ANTXR2: variants seen among roughly 807,000 people sequenced by gnomAD.
ANTXR2 encodes the protein ANTXR cell adhesion molecule 2.
Under a neutral mutation model 73.7 loss-of-function variants are expected in ANTXR2, and 44 were observed. The observed-to-expected ratio is 0.60, with a 90% CI of 0.47 to 0.77. The LOEUF is 0.77. Ranked by LOEUF, ANTXR2 falls within the 30% of genes least tolerant of loss-of-function variation. The probability of loss-of-function intolerance (pLI) is 0.00; values close to 1 mark genes in which losing one functional copy is unlikely to be tolerated. For synonymous variants in ANTXR2, 217 were observed against 205.9 expected, an observed-to-expected ratio of 1.05 and a Z score of -0.46; for missense variants, 604 against 592.5, an observed-to-expected ratio of 1.02 and a Z score of -0.20.
chr4:79,956,478 C>T (rs1372836026), intron 16 of ANTXR2, among the ~76,000 whole-genome samples: 1 of 152,092 alleles, frequency 6.6e-6, no homozygotes, highest in African/African-American at 2.4e-5. Context: ...GATTCTGTTA[C>T]ATTCGGCAAT....
intron 12 of ANTXR2, among the ~76,000 whole-genome samples, chr4:80,008,060 T>C (rs898150494): frequency 4.6e-5 from 7 of 152,154 alleles, no homozygotes; most frequent in African/African-American, 9.7e-5. Flanking sequence ...ATGCTGACAA[T>C]TGTGCATGAC....
At chr4:79,985,185 A>G (rs969310350) in intron 12 of ANTXR2, among the ~76,000 whole-genome samples, 2 of 151,866 alleles carry the variant, frequency 1.3e-5, no homozygotes, top group East Asian at 1.9e-4. Context: ...CGTCTCTACT[A>G]AAAATACAAA....
intron 16 of ANTXR2, among the ~76,000 whole-genome samples, chr4:79,920,353 A>T (rs1168237145): frequency 1.3e-5 from 2 of 152,148 alleles, no homozygotes; most frequent in African/African-American, 2.4e-5. Flanking sequence ...ATGATGGATC[A>T]GGCTTTTACT....
chr4:79,904,403 G>C lies in ANTXR2; in HGVS notation c.*3026C>G, dbSNP rs1413801948. The C allele has an allele frequency of 6.6e-6, 1 of 151,866 alleles. No individual in the cohort carries two copies. Among genetic ancestry groups the C allele is most frequent in the African/African-American group, 2.4e-5 (1 of 41,350 alleles). The allele number at this position is 151,866 out of a possible 1,614,324, so 9.4% of individuals were successfully genotyped here. On this transcript the variant is annotated 3_prime_UTR_variant, in exon 17 of 17. Coordinates refer to ENST00000403729, the MANE Select transcript of ANTXR2 (RefSeq NM_058172.6). ...AGATGCTGCTCCCTAGTCAATGGAG[G>C]GTCTCAAATTTTACTCTGCATCTCA...
chr4:80,068,759 G>C (rs1430535542), intron 3 of ANTXR2, among the ~76,000 whole-genome samples: 1 of 152,094 alleles, frequency 6.6e-6, no homozygotes, highest in Non-Finnish European at 1.5e-5. Flanking sequence ...GCAACAGAGA[G>C]AGACTCTGTC....
rs527829188 is a variant in ANTXR2, at chr4:79,974,150, G to A, written c.1428+3471C>T. On this transcript the variant is annotated intron_variant, in intron 16 of 16. Transcript: ENST00000403729. ...CATACTAATGACACTTAACTGTGAA[G>A]TGTCCATCTGTGAGAAAAGGCTCTC... 7.6e-4 allele frequency among the ~76,000 whole-genome samples: 116 copies of A among 152,282 alleles called. 1 individual carries two copies. The highest frequency in any genetic ancestry group is 2.7e-3 in the African/African-American group (111 of 41,550).
intron 16 of ANTXR2, among the ~76,000 whole-genome samples, chr4:79,949,075 T>C (rs1235418432): frequency 2.0e-5 from 3 of 152,138 alleles, no homozygotes; most frequent in African/African-American, 7.2e-5. Context: ...TGGCTATTAT[T>C]ATAAAACTAA....
At chr4:80,068,222 A>T (rs540975767) in intron 3 of ANTXR2, among the ~76,000 whole-genome samples, 1 of 152,290 alleles carries the variant, frequency 6.6e-6, no homozygotes, top group South Asian at 2.1e-4. Context: ...TCAAGGGAAA[A>T]CTTAATTTAC....
chr4:79,963,960 T>C (rs1411683503), intron 16 of ANTXR2, among the ~76,000 whole-genome samples: 5 of 152,214 alleles, frequency 3.3e-5, no homozygotes, highest in South Asian at 4.1e-4. Context: ...TCTTTATGAA[T>C]AGGAATTAGT....
chr4:80,048,981 T>C (rs1417753303), intron 7 of ANTXR2, among the ~76,000 whole-genome samples: 1 of 151,770 alleles, frequency 6.6e-6, no homozygotes. Context: ...GCTTGTATAC[T>C]TTCCCATTAA....
At chr4:79,923,289 T>C (rs1365253276) in intron 16 of ANTXR2, among the ~76,000 whole-genome samples, 1 of 152,064 alleles carries the variant, frequency 6.6e-6, no homozygotes, top group Non-Finnish European at 1.5e-5. Context: ...AACACAAAAC[T>C]ATAAAATGAT....
chr4:80,028,743 A>G (rs1272905573), intron 10 of ANTXR2, among the ~76,000 whole-genome samples: 5 of 152,204 alleles, frequency 3.3e-5, no homozygotes, highest in African/African-American at 4.8e-5. Flanking sequence ...AGGCAAACAT[A>G]TTAAGCATCA....
intron 11 of ANTXR2, among the ~76,000 whole-genome samples, chr4:80,015,853 CAGGAAAGGAAAGGAAAGGAA>C (rs201558668): frequency 2.3e-3 from 116 of 50,134 alleles, no homozygotes; most frequent in Middle Eastern, 0.02. Context: ...AAGGAGAGGA[CAGGAAAGGAAAGGAAAGGAA>C]AGGAAAGGAA....
chr4:79,920,847 A>G (rs935261119), intron 16 of ANTXR2, among the ~76,000 whole-genome samples: 1 of 152,146 alleles, frequency 6.6e-6, no homozygotes, highest in Non-Finnish European at 1.5e-5. Flanking sequence ...TATATTTCAA[A>G]TTCTTAAGAT....
chr4:79,976,283 G>A (rs762585787), intron 16 of ANTXR2, among the ~76,000 whole-genome samples: 48 of 152,182 alleles, frequency 3.2e-4, no homozygotes, highest in Non-Finnish European at 6.8e-4. Context: ...TTAAAACAGA[G>A]GAATGATCAT....
intron 16 of ANTXR2, among the ~76,000 whole-genome samples, chr4:79,958,954 C>T (rs1729039246): frequency 1.3e-5 from 2 of 151,738 alleles, no homozygotes; most frequent in South Asian, 2.1e-4. Flanking sequence ...TATGATTTGG[C>T]TAGGACAAAT....
intron 11 of ANTXR2, among the ~76,000 whole-genome samples, chr4:80,018,652 C>T (rs1362646454): frequency 6.6e-6 from 1 of 151,908 alleles, no homozygotes; most frequent in Non-Finnish European, 1.5e-5. Flanking sequence ...TCAAATATGC[C>T]TTTTAAATTC....
At chr4:79,955,373 T>A (rs925303616) in intron 16 of ANTXR2, among the ~76,000 whole-genome samples, 4 of 152,204 alleles carry the variant, frequency 2.6e-5, no homozygotes, top group Non-Finnish European at 5.9e-5. Context: ...TCAAATACTA[T>A]GCAGAATATA....
intron 12 of ANTXR2, among the ~76,000 whole-genome samples, chr4:79,987,232 A>G (rs1389404218): frequency 6.6e-6 from 1 of 151,952 alleles, no homozygotes; most frequent in African/African-American, 2.4e-5. Flanking sequence ...AAGGAAACTA[A>G]TAAAACGATA....
Sources: allele counts gnomAD v4.1 joint callset (sites outside exome capture counted in the v4.1 genomes callset), GRCh38; gene constraint gnomAD v4.1.1; transcripts MANE v1.5; gene names NCBI Gene and HGNC (gene_info 2026-07-23, HGNC 2026-07-21).